The following CHFR variants were observed in gnomAD, a reference collection of about 807,000 sequenced individuals.
The protein encoded by CHFR is checkpoint with forkhead and ring finger domains.
A neutral mutation model predicts 87.6 loss-of-function variants in CHFR; 57 were observed. The observed-to-expected ratio is 0.65, with a 90% CI of 0.53 to 0.81. The LOEUF (loss-of-function observed/expected upper bound fraction) is 0.81. Ranked by LOEUF, CHFR falls within the 30% of genes least tolerant of loss-of-function variation. CHFR has a pLI of 0.00. For missense variants in CHFR, 797 were observed against 865.8 expected (o/e 0.92, Z 1.00); for synonymous variants, 381 against 359.2 (o/e 1.06, Z -0.69).
At chr12:132,862,460 T>C (rs1165287683) in intron 6 of CHFR, 1 of 449,950 alleles carries the variant, frequency 2.2e-6, no homozygotes, top group African/African-American at 2.0e-5. Context: ...AAAAATTAAC[T>C]AGGCGTGACA....
intron 8 of CHFR, among the ~76,000 whole-genome samples, chr12:132,858,550 C>A (rs372698171): frequency 9.3e-5 from 14 of 151,250 alleles, no homozygotes; most frequent in African/African-American, 3.4e-4. Context: ...CATGGTGAAA[C>A]CCTGTCTCTA....
intron 2 of CHFR, among the ~76,000 whole-genome samples, chr12:132,879,297 C>G (rs7957697): frequency 0.21 from 31,225 of 151,104 alleles, 4,151 homozygotes; most frequent in Non-Finnish European, 0.3. Flanking sequence ...ACCTGGCCTG[C>G]GATAGGCATT....
intron 7 of CHFR, among the ~76,000 whole-genome samples, chr12:132,859,443 C>T (rs1170820279): frequency 1.3e-5 from 2 of 152,072 alleles, no homozygotes; most frequent in African/African-American, 2.4e-5. Context: ...CTCCGCCTCC[C>T]GGGTTCATGC....
intron 3 of CHFR, among the ~76,000 whole-genome samples, chr12:132,877,121 G>A (rs980111765): frequency 6.6e-6 from 1 of 151,888 alleles, no homozygotes; most frequent in Non-Finnish European, 1.5e-5. Context: ...TTCAACAGAC[G>A]CATATACGAT....
chr12:132,843,745 T>G (rs573002270), intron 16 of CHFR, among the ~76,000 whole-genome samples: 1 of 152,214 alleles, frequency 6.6e-6, no homozygotes, highest in African/African-American at 2.4e-5. Flanking sequence ...GGTCAAGAGT[T>G]CGAGACCAGC....
At position 132,840,488 on chromosome 12, in the gene CHFR, G is replaced by A. The variant is rs1458856890; in HGVS notation, c.*1066C>T. ...TGTATTCCTGAGAAGAAGCAAAAAA[G>A]TTATCAGTTTACAAACAAGGATAAC... On this transcript the variant is annotated 3_prime_UTR_variant, in exon 18 of 18. Coordinates refer to ENST00000450056, the MANE Select transcript of CHFR (RefSeq NM_001161346.2). The A allele has an allele frequency of 6.6e-6, 1 of 152,640 alleles. No homozygotes were observed. The highest frequency in any genetic ancestry group is 1.5e-5 in the Non-Finnish European group (1 of 68,040). The allele number at this position is 152,640 out of a possible 1,614,324, so 9.5% of individuals were successfully genotyped here.
In CHFR at chr12:132,842,993, G is replaced by GC; in HGVS notation, c.1916+17dup. The GC allele has an allele frequency of 6.2e-7, 1 of 1,603,370 alleles. No homozygotes were observed. Among genetic ancestry groups the GC allele is most frequent in the Non-Finnish European group, 8.5e-7 (1 of 1,174,156 alleles). On this transcript the variant is annotated intron_variant, in intron 17 of 17. Coordinates refer to ENST00000450056, the MANE Select transcript of CHFR (RefSeq NM_001161346.2). ...TCATCACTCTGTAGCTGACGCCTGT[G>GC]CCCCCAGCTGCACTCACATGGCGTG...
At chr12:132,856,708 C>T (rs753178130) in intron 9 of CHFR, 78 bp from the exon 10 acceptor site, 69 of 1,494,548 alleles carry the variant, frequency 4.6e-5, no homozygotes, top group African/African-American at 9.6e-5. Flanking sequence ...GCTGGGAGCT[C>T]GCGTGCGCAG....
In CHFR at chr12:132,856,724, C is replaced by T. The variant is rs780706994; in HGVS notation, c.1067-94G>A. 1.3e-4 allele frequency: 179 copies of T among 1,384,986 alleles called. 1 individual carries two copies. Among genetic ancestry groups the T allele is most frequent in the Non-Finnish European group, 1.7e-4 (165 of 978,616 alleles). 85.8% of individuals were successfully genotyped at this position (1,384,986 alleles called of 1,614,324 possible). ...CTGGGAGCTCGCGTGCGCAGTGCTG[C>T]GGAAGGAGGGGTCTGGGCGGACCGC... On this transcript the variant is annotated intron_variant, in intron 9 of 17. Coordinates refer to ENST00000450056, the MANE Select transcript of CHFR (RefSeq NM_001161346.2).
chr12:132,847,498 G>A (rs1044724803), intron 14 of CHFR: 11 of 1,096,698 alleles, frequency 1.0e-5, no homozygotes, highest in African/African-American at 1.6e-5. Context: ...TGTTCTCTGT[G>A]CCCTTCAAAC....
chr12:132,885,060 C>A (rs952119189), intron 2 of CHFR, among the ~76,000 whole-genome samples: 7 of 151,286 alleles, frequency 4.6e-5, no homozygotes, highest in African/African-American at 1.5e-4. Context: ...TGCACTCCAG[C>A]CTGGGTGACA....
chr12:132,855,925 A>C (rs936086459), intron 10 of CHFR, among the ~76,000 whole-genome samples: 2 of 152,148 alleles, frequency 1.3e-5, no homozygotes, highest in African/African-American at 4.8e-5. Context: ...GGTCTTGTGC[A>C]TTAGGAAACC....
At chr12:132,848,056 C>T (rs780583670) in intron 14 of CHFR, 29 bp downstream of exon 14, 10 of 1,613,618 alleles carry the variant, frequency 6.2e-6, no homozygotes, top group East Asian at 2.2e-5. Context: ...ATGTGGCTCC[C>T]GGCTCCCCAG....
intron 3 of CHFR, among the ~76,000 whole-genome samples, chr12:132,873,570 G>A (rs1951544009): frequency 6.6e-6 from 1 of 151,132 alleles, no homozygotes; most frequent in Non-Finnish European, 1.5e-5. Context: ...AGTGCACACG[G>A]ACTTGGGTGC....
intron 3 of CHFR, 50 bp downstream of exon 3, chr12:132,877,505 C>T (rs1421809212): frequency 1.5e-6 from 2 of 1,318,042 alleles, no homozygotes; most frequent in East Asian, 2.4e-5. Flanking sequence ...CGAAGTCAGG[C>T]TTCTTAAGCT....
At chr12:132,866,008 T>C (rs1307590682) in intron 6 of CHFR, 1 of 152,206 alleles carries the variant, frequency 6.6e-6, no homozygotes, top group Non-Finnish European at 1.5e-5. Flanking sequence ...TTATTTTCTT[T>C]CACTCATAAA....
intron 6 of CHFR, chr12:132,866,859 C>T (rs1165275214): frequency 2.0e-5 from 3 of 152,204 alleles, no homozygotes; most frequent in Non-Finnish European, 2.9e-5. Flanking sequence ...TGGCCAACAA[C>T]GTCTCTACTA....
intron 8 of CHFR, among the ~76,000 whole-genome samples, chr12:132,858,776 A>G (rs965925589): frequency 1.4e-5 from 2 of 143,010 alleles, no homozygotes; most frequent in Non-Finnish European, 3.1e-5. Context: ...TATTTAGAAC[A>G]TTAAAAAAAA....
At chr12:132,870,078 C>A (rs1039302351) in intron 5 of CHFR, among the ~76,000 whole-genome samples, 1 of 151,774 alleles carries the variant, frequency 6.6e-6, no homozygotes, top group Non-Finnish European at 1.5e-5. Flanking sequence ...GCGTGCCGGG[C>A]GCGGTGGCTC....
Sources: gnomAD v4.1 joint callset for allele counts (sites outside exome capture counted in the v4.1 genomes callset) on GRCh38, gnomAD v4.1.1 for gene constraint, MANE v1.5 for transcripts, NCBI Gene and HGNC (gene_info 2026-07-23, HGNC 2026-07-21) for gene names.